Variants in FSTL4 observed in about 807,000 individuals in gnomAD.
FSTL4 encodes the protein follistatin like 4.
In FSTL4, 28 loss-of-function variants were observed where a neutral mutation model predicts 78.2. The observed-to-expected ratio is 0.36, with a 90% CI of 0.27 to 0.49. FSTL4 has a LOEUF of 0.49. Ranked by LOEUF, FSTL4 falls within the 20% of genes least tolerant of loss-of-function variation. The pLI, the probability that FSTL4 is intolerant of heterozygous loss-of-function variation, is 0.98. For missense variants in FSTL4, 922 were observed against 1,084.9 expected, an observed-to-expected ratio of 0.85 and a Z score of 2.11; for synonymous variants, 422 against 440.5, an observed-to-expected ratio of 0.96 and a Z score of 0.53.
At chr5:133,570,201 C>T (rs183258027) in intron 2 of FSTL4, among the ~76,000 whole-genome samples, 3 of 149,542 alleles carry the variant, frequency 2.0e-5, no homozygotes, top group Non-Finnish European at 3.0e-5. Flanking sequence ...AGCGAGACTC[C>T]GTCTCAAAAA....
At chr5:133,450,860 G>T (rs537223066) in intron 3 of FSTL4, among the ~76,000 whole-genome samples, 1 of 152,166 alleles carries the variant, frequency 6.6e-6, no homozygotes, top group Non-Finnish European at 1.5e-5. Context: ...CAGACCAATG[G>T]GGGAGAGCCA....
chr5:133,295,964 C>T (rs1290980745), intron 6 of FSTL4, among the ~76,000 whole-genome samples: 1 of 152,204 alleles, frequency 6.6e-6, no homozygotes, highest in Non-Finnish European at 1.5e-5. Flanking sequence ...TAAGGGTTTC[C>T]AAGTTTCCAT....
At chr5:133,593,228 C>A (rs887030281) in intron 2 of FSTL4, among the ~76,000 whole-genome samples, 6 of 152,138 alleles carry the variant, frequency 3.9e-5, no homozygotes, top group African/African-American at 1.4e-4. Context: ...ACCCCTGGCC[C>A]TGAAACTTGT....
intron 4 of FSTL4, among the ~76,000 whole-genome samples, chr5:133,351,859 T>C (rs1177855803): frequency 2.0e-5 from 3 of 152,122 alleles, no homozygotes; most frequent in Non-Finnish European, 4.4e-5. Flanking sequence ...CCACCCACCT[T>C]GGACTCCCAA....
At position 133,312,675 on chromosome 5, in the gene FSTL4, G is replaced by A. The variant is rs746318020; in HGVS notation, c.706C>T (p.Arg236Cys). ...DYNSDSSLTL[R>C]EFYMAFQVVQ... ...TTACGGAAGGCCATGTAGAACTCGC[G>A]GAGGGTCAGGGAGCTGTCACTGTTG... is the stretch of plus-strand genomic sequence containing the variant. The change falls in exon 6 of 16, where the codon CGC becomes TGC. Residue 236 changes from arginine to cysteine, a missense_variant. Physicochemically the swap from Arg to Cys is radical, Grantham distance 180. Transcript: ENST00000265342. 22 of 1,613,870 alleles carry A rather than the reference G, an allele frequency of 1.4e-5. No individual in the cohort carries two copies. Among genetic ancestry groups the A allele is most frequent in the East Asian group, 4.5e-5 (2 of 44,892 alleles).
chr5:133,283,182 G>A (rs1420454128), intron 6 of FSTL4, among the ~76,000 whole-genome samples: 2 of 152,236 alleles, frequency 1.3e-5, no homozygotes, highest in East Asian at 1.9e-4. Context: ...GTCCTGAACC[G>A]TTTGCATCCT....
chr5:133,405,698 G>C (rs1417634707), intron 3 of FSTL4, among the ~76,000 whole-genome samples: 1 of 152,204 alleles, frequency 6.6e-6, no homozygotes, highest in Non-Finnish European at 1.5e-5. Context: ...ACGTGGCAAG[G>C]TGGTCCAGGG....
At chr5:133,504,510 T>G (rs966145524) in intron 3 of FSTL4, among the ~76,000 whole-genome samples, 3 of 152,178 alleles carry the variant, frequency 2.0e-5, no homozygotes, top group Non-Finnish European at 4.4e-5. Flanking sequence ...ACTATAAACC[T>G]CATCAAGTCA....
chr5:133,680,990 G>T, the FSTL4 span, among the ~76,000 whole-genome samples: 1 of 152,228 alleles, frequency 6.6e-6, no homozygotes, highest in Non-Finnish European at 1.5e-5. Context: ...TCCATCATGT[G>T]CAGTGGCCTC....
intron 3 of FSTL4, among the ~76,000 whole-genome samples, chr5:133,483,996 C>T (rs550500004): frequency 6.6e-5 from 10 of 152,368 alleles, no homozygotes; most frequent in African/African-American, 2.4e-4. Flanking sequence ...CTACCCCCAC[C>T]TCAAATCTCC....
At chr5:133,396,722 CAAG>C (rs934197041) in intron 4 of FSTL4, among the ~76,000 whole-genome samples, 9 of 152,086 alleles carry the variant, frequency 5.9e-5, no homozygotes, top group African/African-American at 1.2e-4. Context: ...AACAAAATAA[CAAG>C]AAGAAGAAGA....
intron 3 of FSTL4, among the ~76,000 whole-genome samples, chr5:133,472,118 G>A (rs920842254): frequency 7.9e-5 from 12 of 152,188 alleles, no homozygotes; most frequent in Non-Finnish European, 1.5e-4. Flanking sequence ...TGAGCAGGCT[G>A]TGCTGTGAGT....
intron 3 of FSTL4, among the ~76,000 whole-genome samples, chr5:133,535,638 C>T (rs1759337426): frequency 6.6e-6 from 1 of 152,210 alleles, no homozygotes; most frequent in Admixed American, 6.5e-5. Context: ...CCCCTGATTT[C>T]CCACTTCACA....
intron 3 of FSTL4, among the ~76,000 whole-genome samples, chr5:133,496,403 G>A (rs570047095): frequency 1.3e-5 from 2 of 152,326 alleles, no homozygotes; most frequent in South Asian, 4.1e-4. Context: ...GAGGGCAGGT[G>A]TGCAGACATC....
intron 3 of FSTL4, among the ~76,000 whole-genome samples, chr5:133,406,457 C>A (rs1216688658): frequency 6.6e-6 from 1 of 152,180 alleles, no homozygotes; most frequent in African/African-American, 2.4e-5. Context: ...CTCTTAGAGG[C>A]CAGAAAACTC....
intron 14 of FSTL4, chr5:133,202,687 G>A (rs1233219619): frequency 1.3e-5 from 2 of 152,282 alleles, no homozygotes; most frequent in African/African-American, 4.8e-5. Flanking sequence ...GGGCTGTTGA[G>A]ATGTCTTGCA....
At chr5:133,404,848 C>T (rs936800218) in intron 3 of FSTL4, among the ~76,000 whole-genome samples, 11 of 152,224 alleles carry the variant, frequency 7.2e-5, no homozygotes, top group African/African-American at 2.7e-4. Context: ...AGAGCACAGA[C>T]AGTTGGGTAA....
intron 6 of FSTL4, among the ~76,000 whole-genome samples, chr5:133,263,621 T>G (rs1752581560): frequency 6.6e-6 from 1 of 152,110 alleles, no homozygotes; most frequent in African/African-American, 2.4e-5. Context: ...TGGAATGGGT[T>G]GGACAGAGAA....
intron 13 of FSTL4, among the ~76,000 whole-genome samples, chr5:133,211,216 C>T (rs1750701638): frequency 6.6e-6 from 1 of 152,230 alleles, no homozygotes; most frequent in Admixed American, 6.5e-5. Context: ...CAAATGAAAG[C>T]TGTTTTCTAC....
Sources: gnomAD v4.1 joint callset for allele counts (sites outside exome capture counted in the v4.1 genomes callset) on GRCh38, gnomAD v4.1.1 for gene constraint, MANE v1.5 for transcripts, NCBI Gene and HGNC (gene_info 2026-07-23, HGNC 2026-07-21) for gene names.